The following STPG2 variants were observed in gnomAD, a reference collection of about 807,000 sequenced individuals.
STPG2 encodes the protein sperm tail PG-rich repeat containing 2.
A neutral mutation model predicts 54.2 loss-of-function variants in STPG2; 56 were observed. That is an observed-to-expected ratio of 1.03 (90% CI 0.83 to 1.29). The LOEUF (loss-of-function observed/expected upper bound fraction) is 1.29. Among genes scored for constraint, STPG2 ranks in the 50% most tolerant of loss-of-function variants. STPG2 has a pLI of 0.00. For synonymous variants in STPG2, 200 were observed against 181.8 expected (o/e 1.10, Z -0.81); for missense variants, 596 against 544.9 (o/e 1.09, Z -0.93).
intron 2 of STPG2, among the ~76,000 whole-genome samples, chr4:98,130,697 T>G (rs1314890792): frequency 6.6e-6 from 1 of 151,084 alleles, no homozygotes; most frequent in Non-Finnish European, 1.5e-5. Context: ...CCGAGGCGGG[T>G]GGATCACAAG....
intron 8 of STPG2, among the ~76,000 whole-genome samples, chr4:97,879,325 A>G (rs986601196): frequency 1.2e-4 from 19 of 152,126 alleles, no homozygotes; most frequent in Non-Finnish European, 7.4e-5. Context: ...GTAACAATTT[A>G]CTGTATTAGT....
chr4:97,545,811 C>T (rs1359268501), intron 4 of STPG2, among the ~76,000 whole-genome samples: 1 of 151,976 alleles, frequency 6.6e-6, no homozygotes, highest in African/African-American at 2.4e-5. Context: ...AGGCAAAGCA[C>T]ATTTGAAAAA....
intron 8 of STPG2, among the ~76,000 whole-genome samples, chr4:97,872,606 A>G (rs2149156257): frequency 6.6e-6 from 1 of 151,486 alleles, no homozygotes; most frequent in African/African-American, 2.4e-5. Flanking sequence ...TATTTCTGAA[A>G]TATGCAAAAT....
intron 10 of STPG2, among the ~76,000 whole-genome samples, chr4:97,677,212 T>C (rs1722880086): frequency 6.6e-6 from 1 of 152,218 alleles, no homozygotes; most frequent in South Asian, 2.1e-4. Flanking sequence ...TTGTTACCTA[T>C]TCAGTAAAAA....
chr4:97,894,430 G>A (rs745402318), intron 8 of STPG2, among the ~76,000 whole-genome samples: 37 of 151,874 alleles, frequency 2.4e-4, no homozygotes, highest in Non-Finnish European at 4.4e-4. Context: ...CTGCCTCCTC[G>A]TTTCAAAAAT....
chr4:97,775,117 A>C (rs756665527), intron 9 of STPG2, among the ~76,000 whole-genome samples: 2 of 152,254 alleles, frequency 1.3e-5, no homozygotes, highest in Non-Finnish European at 2.9e-5. Context: ...TGTGATAAAA[A>C]GGGCGCATAA....
chr4:97,527,406 G>A (rs1731305527), intron 4 of STPG2, among the ~76,000 whole-genome samples: 1 of 152,096 alleles, frequency 6.6e-6, no homozygotes, highest in Admixed American at 6.6e-5. Context: ...ATCATTGATG[G>A]GCATTTGGGT....
chr4:97,795,285 G>A (rs1048430731), intron 9 of STPG2, among the ~76,000 whole-genome samples: 2 of 152,074 alleles, frequency 1.3e-5, no homozygotes, highest in Admixed American at 6.6e-5. Context: ...CCATGTTGGT[G>A]TGCTGCACCC....
chr4:97,507,965 G>T (rs573422022), intron 4 of STPG2, among the ~76,000 whole-genome samples: 1 of 151,838 alleles, frequency 6.6e-6, no homozygotes, highest in East Asian at 1.9e-4. Flanking sequence ...ATCTTTAGCC[G>T]CCCGCTACTC....
At chr4:98,018,032 A>C (rs1348468486) in intron 5 of STPG2, among the ~76,000 whole-genome samples, 1 of 151,476 alleles carries the variant, frequency 6.6e-6, no homozygotes, top group South Asian at 2.1e-4. Flanking sequence ...TTTTATTATT[A>C]TTATACTTTA....
intron 8 of STPG2, among the ~76,000 whole-genome samples, chr4:97,855,095 T>A (rs1289166473): frequency 6.6e-6 from 1 of 152,230 alleles, no homozygotes; most frequent in Non-Finnish European, 1.5e-5. Context: ...TTCCTTTTTA[T>A]GGCTGCATTG....
chr4:97,733,900 T>C (rs1724886838), intron 9 of STPG2, among the ~76,000 whole-genome samples: 1 of 152,252 alleles, frequency 6.6e-6, no homozygotes, highest in Non-Finnish European at 1.5e-5. Flanking sequence ...TTCCTGGCTA[T>C]GTCTAGTTGA....
intron 8 of STPG2, among the ~76,000 whole-genome samples, chr4:97,902,403 C>A (rs1277274024): frequency 2.0e-5 from 3 of 152,140 alleles, no homozygotes; most frequent in East Asian, 1.9e-4. Flanking sequence ...AAACTACATA[C>A]CTGATAAGGG....
At chr4:97,602,002 G>A (rs1578417174) in intron 10 of STPG2, among the ~76,000 whole-genome samples, 6 of 135,228 alleles carry the variant, frequency 4.4e-5, no homozygotes, top group Admixed American at 4.1e-4. Context: ...ATATTTTGTT[G>A]CTATTTACAT....
chr4:97,616,070 ATATATATATATATATATATATATATG>A (rs1244405968), intron 10 of STPG2, among the ~76,000 whole-genome samples: 1 of 74,634 alleles, frequency 1.3e-5, no homozygotes, highest in Non-Finnish European at 2.9e-5. Flanking sequence ...ATATATATAT[ATATATATATATATATATATATATATG>A]TATGTATATT....
At chr4:97,867,351 A>G (rs755940331) in intron 8 of STPG2, among the ~76,000 whole-genome samples, 1 of 151,858 alleles carries the variant, frequency 6.6e-6, no homozygotes, top group African/African-American at 2.4e-5. Context: ...TCACATTTTC[A>G]TTTATATTGG....
chr4:98,104,896 C>T (rs931862841), intron 5 of STPG2, among the ~76,000 whole-genome samples: 1 of 152,078 alleles, frequency 6.6e-6, no homozygotes, highest in African/African-American at 2.4e-5. Context: ...CCCCAACACC[C>T]CAAGATATCT....
intron 10 of STPG2, among the ~76,000 whole-genome samples, chr4:97,637,871 A>C (rs1002563511): frequency 6.6e-6 from 1 of 152,226 alleles, no homozygotes; most frequent in African/African-American, 2.4e-5. Context: ...AGAATATTCC[A>C]TGCTCATGGG....
intron 10 of STPG2, among the ~76,000 whole-genome samples, chr4:97,665,028 G>C (rs1163673622): frequency 6.6e-6 from 1 of 152,098 alleles, no homozygotes; most frequent in Non-Finnish European, 1.5e-5. Flanking sequence ...GCTGGACCAG[G>C]TGTACTGTAA....
Sources: allele counts gnomAD v4.1 joint callset (sites outside exome capture counted in the v4.1 genomes callset), GRCh38; gene constraint gnomAD v4.1.1; transcripts MANE v1.5; gene names NCBI Gene and HGNC (gene_info 2026-07-23, HGNC 2026-07-21).